F13A1: variants seen among roughly 807,000 people sequenced by gnomAD.
F13A1 encodes coagulation factor XIII A chain, also known as FSF, A subunit.
Under a neutral mutation model 80.1 loss-of-function variants are expected in F13A1, and 47 were observed. The ratio of observed to expected loss-of-function variants is 0.59; its 90% CI spans 0.46 to 0.75. The LOEUF (loss-of-function observed/expected upper bound fraction) is 0.75. Ranked by LOEUF, F13A1 falls within the 30% of genes least tolerant of loss-of-function variation. The pLI is 0.00. For synonymous variants in F13A1, 349 were observed against 344.9 expected, an observed-to-expected ratio of 1.01 and a Z score of -0.13; for missense variants, 817 against 930.4, an observed-to-expected ratio of 0.88 and a Z score of 1.59.
intron 14 of F13A1, 28 bp downstream of exon 14, chr6:6,151,784 CT>C (rs1760381222): frequency 6.2e-7 from 1 of 1,613,760 alleles, no homozygotes; most frequent in Non-Finnish European, 8.5e-7. Flanking sequence ...CCTGCACTGC[CT>C]GCCCGGTCTC....
At chr6:6,275,070 T>C (rs1757969746) in intron 3 of F13A1, among the ~76,000 whole-genome samples, 1 of 152,092 alleles carries the variant, frequency 6.6e-6, no homozygotes, top group African/African-American at 2.4e-5. Flanking sequence ...TGAGATTACA[T>C]TTTAGAAAGA....
intron 2 of F13A1, among the ~76,000 whole-genome samples, chr6:6,317,392 T>G (rs913430648): frequency 2.0e-5 from 3 of 152,150 alleles, no homozygotes; most frequent in South Asian, 2.1e-4. Flanking sequence ...TACAAGTTCG[T>G]CTTAGCCCCT....
At chr6:6,283,650 A>G (rs1758096582) in intron 3 of F13A1, among the ~76,000 whole-genome samples, 1 of 152,136 alleles carries the variant, frequency 6.6e-6, no homozygotes, top group Admixed American at 6.6e-5. Flanking sequence ...TTGTACAATT[A>G]TCCTGTATAT....
At chr6:6,256,175 A>C (rs1168641787) in intron 4 of F13A1, among the ~76,000 whole-genome samples, 2 of 152,108 alleles carry the variant, frequency 1.3e-5, no homozygotes, top group Non-Finnish European at 2.9e-5. Flanking sequence ...ACAAACTAAC[A>C]AACAACTCAC....
At position 6,250,555 on chromosome 6, in the gene F13A1, T is replaced by TAG. The variant is rs150639777; in HGVS notation, c.690+254_690+255dup. Among the ~76,000 whole-genome samples, 736 of 152,336 alleles carry TAG rather than the reference T, an allele frequency of 4.8e-3. 7 individuals are homozygous for TAG. Among genetic ancestry groups the TAG allele is most frequent in the African/African-American group, 0.017 (697 of 41,584 alleles). On this transcript the variant is annotated intron_variant, in intron 5 of 14. Coordinates refer to ENST00000264870, the MANE Select transcript of F13A1 (RefSeq NM_000129.4). The surrounding 1 kb of genome is among the most constrained non-coding windows in gnomAD (Gnocchi z 4.2). ...TCTAAGTGGCCAAAGCATTTCTCAA[T>TAG]AGAATGCCACATTATTCATGGAATC...
At chr6:6,167,306 A>G in intron 13 of F13A1, 152 bp downstream of exon 13, 1 of 897,062 alleles carries the variant, frequency 1.1e-6, no homozygotes, top group Non-Finnish European at 1.8e-6. Context: ...TCAAAGAACA[A>G]GAGGATCCTA....
intron 6 of F13A1, among the ~76,000 whole-genome samples, chr6:6,246,107 T>TAATA (rs1757552168): frequency 6.6e-6 from 1 of 152,232 alleles, no homozygotes; most frequent in Non-Finnish European, 1.5e-5. Flanking sequence ...CTTTTCATAC[T>TAATA]AATAAAGTCA....
intron 13 of F13A1, among the ~76,000 whole-genome samples, chr6:6,165,196 C>T (rs1490586890): frequency 6.6e-6 from 1 of 152,198 alleles, no homozygotes; most frequent in Non-Finnish European, 1.5e-5. Context: ...CCAGGAACAG[C>T]ATCTCTGGTT....
At chr6:6,269,301 T>C (rs1328095325) in intron 3 of F13A1, among the ~76,000 whole-genome samples, 1 of 152,166 alleles carries the variant, frequency 6.6e-6, no homozygotes, top group Non-Finnish European at 1.5e-5. Context: ...TAGTTATCAT[T>C]ACTTCCCTGT....
chr6:6,151,339 G>A (rs779573495), intron 14 of F13A1, among the ~76,000 whole-genome samples: 1 of 152,120 alleles, frequency 6.6e-6, no homozygotes, highest in African/African-American at 2.4e-5. Context: ...GTGAGGTGAG[G>A]CTGGAGACAA....
intron 9 of F13A1, among the ~76,000 whole-genome samples, chr6:6,196,147 G>T (rs1390602640): frequency 6.6e-6 from 1 of 152,212 alleles, no homozygotes; most frequent in South Asian, 2.1e-4. Flanking sequence ...ACCCAGATGT[G>T]TTGATGCCAA....
intron 12 of F13A1, among the ~76,000 whole-genome samples, chr6:6,167,895 T>C (rs953726598): frequency 6.6e-5 from 10 of 152,154 alleles, no homozygotes; most frequent in African/African-American, 1.2e-4. Flanking sequence ...AGAAATGCCA[T>C]GGAAAAGATG....
At chr6:6,177,084 C>T (rs1027482998) in intron 11 of F13A1, among the ~76,000 whole-genome samples, 3 of 152,182 alleles carry the variant, frequency 2.0e-5, no homozygotes, top group African/African-American at 4.8e-5. Flanking sequence ...GCTGCGTGCT[C>T]TGGCATCTTA....
chr6:6,266,013 ATAAC>A (rs1437111245), intron 4 of F13A1, among the ~76,000 whole-genome samples: 6 of 152,346 alleles, frequency 3.9e-5, no homozygotes, highest in African/African-American at 1.2e-4. Context: ...AGCTCCACAA[ATAAC>A]TAACTGCAAC....
intron 3 of F13A1, 46 bp downstream of exon 3, chr6:6,305,305 A>G (rs1758496234): frequency 6.2e-7 from 1 of 1,607,030 alleles, no homozygotes; most frequent in South Asian, 1.1e-5. Flanking sequence ...CTCTCTCTAC[A>G]ATGCAACCCA....
chr6:6,224,790 G>T lies in F13A1; in HGVS notation c.869C>A (p.Pro290Gln), dbSNP rs745800442. The change falls in exon 7 of 15, where the codon CCA (proline) becomes CAA (glutamine). Residue 290 changes from proline to glutamine, a missense_variant. Pro to Gln is a moderately conservative substitution (Grantham distance 76). Coordinates refer to ENST00000264870, the MANE Select transcript of F13A1 (RefSeq NM_000129.4). ...GTCAACGCTTCCAGTCCAGGCCGAT[G>T]GGGGGACGCCATAGGCATAGATATT... ...WDNIYAYGVP[P>Q]SAWTGSVDIL... 1 of 1,614,084 alleles carries T rather than the reference G, an allele frequency of 6.2e-7. No homozygotes were observed. Among genetic ancestry groups the T allele is most frequent in the Non-Finnish European group, 8.5e-7 (1 of 1,179,952 alleles).
intron 3 of F13A1, among the ~76,000 whole-genome samples, chr6:6,274,012 C>T (rs555180779): frequency 1.4e-4 from 22 of 152,276 alleles, no homozygotes; most frequent in East Asian, 3.9e-4. Context: ...TGTAGAAATC[C>T]GCCCTTTCCA....
intron 8 of F13A1, among the ~76,000 whole-genome samples, chr6:6,217,603 C>T (rs981213604): frequency 6.6e-6 from 1 of 151,872 alleles, no homozygotes. Flanking sequence ...GGGTGCAGCG[C>T]ACCAGCATGG....
At chr6:6,305,131 T>C (rs989021984) in intron 3 of F13A1, 2 of 608,146 alleles carry the variant, frequency 3.3e-6, no homozygotes, top group Non-Finnish European at 5.9e-6. Flanking sequence ...GTTTTACTTT[T>C]ATTTATATGA....
Sources: gnomAD v4.1 joint callset for allele counts (sites outside exome capture counted in the v4.1 genomes callset) on GRCh38, gnomAD v4.1.1 for gene constraint, Gnocchi (gnomAD v3.1) non-coding constraint, MANE v1.5 for transcripts, NCBI Gene and HGNC (gene_info 2026-07-23, HGNC 2026-07-21) for gene names.